Variants in SSH2 observed in about 807,000 individuals in gnomAD.
The protein encoded by SSH2 is protein phosphatase Slingshot homolog 2.
SSH2 carries 37 observed loss-of-function variants against 135.2 expected under a neutral mutation model. The observed-to-expected ratio is 0.27, with a 90% CI of 0.21 to 0.36. SSH2 has a LOEUF of 0.36. SSH2 is among the 10% of genes least tolerant of loss of function. The probability of loss-of-function intolerance (pLI) is 1.00; values close to 1 mark genes in which losing one functional copy is unlikely to be tolerated. For missense variants in SSH2, 1,408 were observed against 1,765.3 expected, an observed-to-expected ratio of 0.80 and a Z score of 3.63; for synonymous variants, 628 against 646.2, an observed-to-expected ratio of 0.97 and a Z score of 0.43.
intron 3 of SSH2, among the ~76,000 whole-genome samples, chr17:29,791,136 C>T (rs1203089448): frequency 6.6e-6 from 1 of 151,438 alleles, no homozygotes; most frequent in African/African-American, 2.4e-5. Context: ...CCCAGGCTGG[C>T]GTGCAGTGGC....
intron 3 of SSH2, among the ~76,000 whole-genome samples, chr17:29,713,633 G>C (rs934640918): frequency 1.3e-5 from 2 of 152,020 alleles, no homozygotes; most frequent in African/African-American, 4.8e-5. Flanking sequence ...TTTGACTTCT[G>C]AATACCTTTG....
intron 12 of SSH2, among the ~76,000 whole-genome samples, chr17:29,655,036 A>G (rs2036725280): frequency 6.6e-6 from 1 of 152,238 alleles, no homozygotes; most frequent in African/African-American, 2.4e-5. Flanking sequence ...TGTTCTTCAA[A>G]GCCCTTCAAT....
rs1481046653 is a variant in SSH2 at position 29,631,261 on chromosome 17, AG to A, written c.3932del (p.Pro1311LeufsTer25). The A allele has an allele frequency of 6.2e-6, 10 of 1,614,024 alleles. No individual in the cohort carries two copies. In the East Asian group the frequency reaches 2.2e-4, roughly 36 times the overall value. ...GGAAAGGCTGAAGCAGTTTGAGATG[AG>A]GGGATTCACAGGAGGCAGGCTCCCT... ...PEREPASCES[P>X]HLKLLQPFLR... On this transcript the variant is annotated frameshift_variant, in exon 16 of 16. Transcript: ENST00000540801. LOFTEE classifies it high-confidence loss of function.
At chr17:29,770,782 T>C (rs1716568581) in intron 3 of SSH2, among the ~76,000 whole-genome samples, 1 of 152,284 alleles carries the variant, frequency 6.6e-6, no homozygotes, top group East Asian at 1.9e-4. Flanking sequence ...CCAAGTCTTA[T>C]TCTCCTATGT....
At chr17:29,744,834 A>G (rs1248765708) in intron 3 of SSH2, among the ~76,000 whole-genome samples, 2 of 151,580 alleles carry the variant, frequency 1.3e-5, no homozygotes, top group South Asian at 2.1e-4. Flanking sequence ...GGAAGAAGAG[A>G]AAGAAGTTTT....
rs2039681121 is a variant in SSH2 at position 29,717,891 on chromosome 17, G to A, written c.189-14829C>T. ...TGAAAAAAAGGTAGTGGGAGCAGCA[G>A]ATATAAAAGGCCCTGAGGCAGAAGA... is the stretch of plus-strand genomic sequence containing the variant. On this transcript the variant is annotated intron_variant, in intron 3 of 15. Coordinates refer to ENST00000540801, the MANE Select transcript of SSH2 (RefSeq NM_001282129.2). 2.6e-5 allele frequency among the ~76,000 whole-genome samples: 4 copies of A among 152,194 alleles called. No individual in the cohort carries two copies. In the South Asian group the frequency reaches 8.3e-4, roughly 31 times the overall value.
chr17:29,836,932 T>A (rs191782800), intron 2 of SSH2, among the ~76,000 whole-genome samples: 1 of 152,272 alleles, frequency 6.6e-6, no homozygotes, highest in African/African-American at 2.4e-5. Context: ...AATTACAGCT[T>A]CACCAGGACT....
chr17:29,738,567 T>A (rs2040450025), intron 3 of SSH2, among the ~76,000 whole-genome samples: 1 of 151,096 alleles, frequency 6.6e-6, no homozygotes, highest in South Asian at 2.1e-4. Context: ...TTTATTTTTT[T>A]TTTTGAGACG....
intron 1 of SSH2, among the ~76,000 whole-genome samples, chr17:29,905,121 C>T (rs954633117): frequency 1.3e-5 from 2 of 152,112 alleles, no homozygotes; most frequent in Non-Finnish European, 2.9e-5. Context: ...CATTGACATT[C>T]TTCACAGAAT....
At chr17:29,753,791 T>TGAAA (rs1440492458) in intron 3 of SSH2, among the ~76,000 whole-genome samples, 2 of 77,750 alleles carry the variant, frequency 2.6e-5, no homozygotes, top group Non-Finnish European at 4.6e-5. Context: ...AGACTCTGTC[T>TGAAA]GAAAAAAAAA....
chr17:29,672,025 A>T lies in SSH2; in HGVS notation c.719T>A (p.Ile240Asn), dbSNP rs1403662649. 3.7e-6 allele frequency: 6 copies of T among 1,613,976 alleles called. No homozygotes were observed. Among genetic ancestry groups the T allele is most frequent in the Non-Finnish European group, 5.1e-6 (6 of 1,179,966 alleles). Residue 240 changes from isoleucine to asparagine, a missense_variant, in exon 9 of 16, where the codon ATC (isoleucine) becomes AAC (asparagine). Physicochemically the swap from Ile to Asn is moderately radical, Grantham distance 149. Around this residue, in one of 3 missense-constraint regions of SSH2, gnomAD observed 222 missense variants for 355.6 expected, o/e 0.62. Transcript: ENST00000540801. ...ATTGACTGAGGATTGATCTGAGTTG[A>T]TATGGCTCTCATAATAACTCACCCA... ...LTWVSYYESH[I>N]NSDQSSVNEW...
At chr17:29,677,472 T>C (rs1728432788) in intron 7 of SSH2, among the ~76,000 whole-genome samples, 1 of 152,156 alleles carries the variant, frequency 6.6e-6, no homozygotes, top group Non-Finnish European at 1.5e-5. Flanking sequence ...ACAGTCGGCC[T>C]AGAAGAACAG....
chr17:29,680,551 CA>C (rs1160865828), intron 6 of SSH2, among the ~76,000 whole-genome samples: 9 of 21,534 alleles, frequency 4.2e-4, no homozygotes, highest in South Asian at 4.8e-3. Context: ...GACTCCCTCT[CA>C]AAAAAAAAAA....
At chr17:29,679,664 C>T (rs1431585363) in intron 6 of SSH2, among the ~76,000 whole-genome samples, 1 of 152,160 alleles carries the variant, frequency 6.6e-6, no homozygotes, top group African/African-American at 2.4e-5. Flanking sequence ...CCTTGGCCTC[C>T]CAAAGTGCTG....
intron 3 of SSH2, among the ~76,000 whole-genome samples, chr17:29,731,902 A>G (rs912463519): frequency 1.3e-5 from 2 of 152,108 alleles, no homozygotes; most frequent in African/African-American, 4.8e-5. Flanking sequence ...TTTTCTGCAG[A>G]TAGAATCCTG....
chr17:29,823,163 T>C (rs1285172352), intron 2 of SSH2, among the ~76,000 whole-genome samples: 4 of 152,230 alleles, frequency 2.6e-5, no homozygotes, highest in African/African-American at 4.8e-5. Flanking sequence ...CTTTCTGTGA[T>C]GGCAAAGTTG....
intron 3 of SSH2, among the ~76,000 whole-genome samples, chr17:29,788,903 T>C (rs894118429): frequency 6.6e-6 from 1 of 152,222 alleles, no homozygotes; most frequent in Non-Finnish European, 1.5e-5. Context: ...TGCTTCCATC[T>C]TCTTAGAGAA....
At chr17:29,660,540 C>T (rs552333550) in intron 11 of SSH2, among the ~76,000 whole-genome samples, 1 of 152,190 alleles carries the variant, frequency 6.6e-6, no homozygotes, top group South Asian at 2.1e-4. Flanking sequence ...GTTGGGATTA[C>T]AGGCATGAGC....
chr17:29,713,487 T>C (rs2039514822), intron 3 of SSH2, among the ~76,000 whole-genome samples: 1 of 152,156 alleles, frequency 6.6e-6, no homozygotes, highest in African/African-American at 2.4e-5. Flanking sequence ...GCTTTTGGTT[T>C]GAGTTTTAAA....
Sources: gnomAD v4.1 joint callset for allele counts (sites outside exome capture counted in the v4.1 genomes callset) on GRCh38, gnomAD v4.1.1 for gene constraint, gnomAD v4.1.1 regional missense constraint, MANE v1.5 for transcripts, NCBI Gene and HGNC (gene_info 2026-07-23, HGNC 2026-07-21) for gene names.